STRA8: variants seen among roughly 807,000 people sequenced by gnomAD.
STRA8 encodes the protein stimulated by retinoic acid gene 8 protein homolog.
STRA8 carries 18 observed loss-of-function variants against 37.1 expected under a neutral mutation model. The ratio of observed to expected loss-of-function variants is 0.48; its 90% CI spans 0.34 to 0.72. STRA8 has a LOEUF of 0.72. Ranked by LOEUF, STRA8 falls within the 30% of genes least tolerant of loss-of-function variation. The pLI, the probability that STRA8 is intolerant of heterozygous loss-of-function variation, is 0.01. For synonymous variants in STRA8, 168 were observed against 162.9 expected, an observed-to-expected ratio of 1.03 and a Z score of -0.24; for missense variants, 357 against 410.4, an observed-to-expected ratio of 0.87 and a Z score of 1.13.
At chr7:135,248,172 G>T (rs1832592104) in intron 6 of STRA8, among the ~76,000 whole-genome samples, 2 of 152,214 alleles carry the variant, frequency 1.3e-5, no homozygotes, top group Non-Finnish European at 2.9e-5. Flanking sequence ...AGGTTCCTCA[G>T]CTATCAGGCC....
upstream of STRA8, among the ~76,000 whole-genome samples, chr7:135,232,617 C>A (rs1160316315): frequency 6.6e-6 from 1 of 151,794 alleles, no homozygotes; most frequent in East Asian, 1.9e-4. Context: ...GAACGAGAAC[C>A]TGTCTCAGGA....
Position 135,246,648 on chromosome 7 carries a change from C to T in STRA8, c.825C>T (p.Asp275=). The T allele has an allele frequency of 6.5e-7, 1 of 1,536,524 alleles. No homozygotes were observed. Among genetic ancestry groups the T allele is most frequent in the South Asian group, 1.2e-5 (1 of 83,904 alleles). ...EPACAEGSVK[D]SGVDSQGASC... The stretch of plus-strand genomic sequence containing the variant: ...CCTGTGCCGAGGGCAGCGTGAAGGA[C>T]AGCGGCGTGGACAGCCAGGGGGCCA... Residue 275 remains aspartate, a synonymous_variant, in exon 6 of 9, where the codon GAC becomes GAT. Transcript: ENST00000662584. This position sits in a 1 kb window ranked among gnomAD's most constrained non-coding sequence, Gnocchi z 5.4.
chr7:135,246,560 G>T lies in STRA8; in HGVS notation c.737G>T (p.Arg246Leu). The change falls in exon 6 of 9, where the codon CGG (arginine) becomes CTG (leucine). Residue 246 changes from arginine to leucine, a missense_variant. Transcript: ENST00000662584. This position sits in a 1 kb window ranked among gnomAD's most constrained non-coding sequence, Gnocchi z 5.4. Reference sequence around the variant, plus strand: ...TCGGAGGAGAGGAAGGCCAGCCTCCGGCAGGCCTGGGCGCAGAAGCACCGC... The same window carrying T: ...TCGGAGGAGAGGAAGGCCAGCCTCCTGCAGGCCTGGGCGCAGAAGCACCGC... ...NLSEERKASL[R>L]QAWAQKHRGP... 1 of 1,560,858 alleles carries T rather than the reference G, an allele frequency of 6.4e-7. No homozygotes were observed. The highest frequency in any genetic ancestry group is 8.7e-7 in the Non-Finnish European group (1 of 1,153,438).
chr7:135,243,286 A>T (rs746202956), intron 3 of STRA8, 40 bp from the exon 4 acceptor site: 3 of 1,609,476 alleles, frequency 1.9e-6, no homozygotes, highest in Non-Finnish European at 2.6e-6. Context: ...CAGAGGCCTG[A>T]CTTTTCTCTT....
intron 7 of STRA8, among the ~76,000 whole-genome samples, chr7:135,252,831 G>T (rs943571617): frequency 7.9e-5 from 12 of 152,280 alleles, no homozygotes; most frequent in South Asian, 2.1e-4. Context: ...CTACGACCAA[G>T]GTGCCAGCAG....
chr7:135,241,177 C>T (rs1222597405), intron 2 of STRA8, among the ~76,000 whole-genome samples: 1 of 152,188 alleles, frequency 6.6e-6, no homozygotes, highest in Non-Finnish European at 1.5e-5. Flanking sequence ...TTCCACCCTA[C>T]GAACAAGCCC....
chr7:135,253,609 G>C (rs1271506697), intron 7 of STRA8, among the ~76,000 whole-genome samples: 3 of 152,346 alleles, frequency 2.0e-5, no homozygotes, highest in Admixed American at 2.0e-4. Context: ...CTGACCCCAT[G>C]AAGTGGGAAG....
intron 8 of STRA8, among the ~76,000 whole-genome samples, chr7:135,255,767 G>A (rs1440469996): frequency 6.6e-6 from 1 of 152,178 alleles, no homozygotes; most frequent in African/African-American, 2.4e-5. Context: ...CTGGTCCCTG[G>A]TGCCATAAAG....
At chr7:135,232,028 G>T (rs1832300535), upstream of STRA8, 1 of 1,613,984 alleles carries the variant, frequency 6.2e-7, no homozygotes, top group Non-Finnish European at 8.5e-7. Flanking sequence ...CAAGAAATCA[G>T]GCTGTGGCAG....
intron 3 of STRA8, among the ~76,000 whole-genome samples, chr7:135,243,124 G>C (rs1350685866): frequency 1.3e-5 from 2 of 152,168 alleles, no homozygotes; most frequent in Admixed American, 6.5e-5. Flanking sequence ...CTCATCTTCA[G>C]AGGCCAGAGG....
chr7:135,240,529 C>T lies in STRA8; in HGVS notation c.5C>T (p.Ala2Val). Residue 2 changes from alanine (A) to valine (V), a missense_variant, in exon 2 of 9, where the codon GCA becomes GTA. Coordinates refer to ENST00000662584, the MANE Select transcript of STRA8 (RefSeq NM_001394401.1). The part of the protein sequence containing the change: M[A>V]TPEENSNPHD... ...ACTATTACATTACAGCTTATAATGGCAACCCCTGAAGAAAACAGCAATCCC... is the reference window on the plus strand; with the variant it reads ...ACTATTACATTACAGCTTATAATGGTAACCCCTGAAGAAAACAGCAATCCC... The T allele has an allele frequency of 6.2e-7, 1 of 1,613,612 alleles. No homozygotes were observed. The highest frequency in any genetic ancestry group is 8.5e-7 in the Non-Finnish European group (1 of 1,179,940).
intron 7 of STRA8, among the ~76,000 whole-genome samples, chr7:135,252,729 C>A (rs1414165037): frequency 6.6e-6 from 1 of 152,184 alleles, no homozygotes; most frequent in Non-Finnish European, 1.5e-5. Context: ...TGCTGTATCC[C>A]TGCCTTAAGT....
Position 135,255,106 on chromosome 7 carries a change from G to A in STRA8, c.954-8G>A, listed in dbSNP as rs368602441. 7.5e-6 allele frequency: 12 copies of A among 1,610,442 alleles called. No individual in the cohort carries two copies. Among genetic ancestry groups the A allele is most frequent in the Admixed American group, 1.7e-5 (1 of 59,996 alleles). ...TATTTGTTGCCTTTTCTTCCTTTCTGTTGTCAGTTCAGTGCTTGCCAGCTG... is the reference window on the plus strand; with the variant it reads ...TATTTGTTGCCTTTTCTTCCTTTCTATTGTCAGTTCAGTGCTTGCCAGCTG... On this transcript the variant is annotated splice_polypyrimidine_tract_variant and splice_region_variant and intron_variant, in intron 7 of 8. Transcript: ENST00000662584.
intron 1 of STRA8, among the ~76,000 whole-genome samples, chr7:135,235,436 A>C (rs1196982163): frequency 1.4e-5 from 2 of 141,986 alleles, no homozygotes; most frequent in Non-Finnish European, 3.0e-5. Context: ...TAGAATCATG[A>C]GCATGACTTT....
At chr7:135,236,782 A>G (rs1396163164) in intron 1 of STRA8, among the ~76,000 whole-genome samples, 1 of 152,064 alleles carries the variant, frequency 6.6e-6, no homozygotes. Context: ...AGCTCATTCA[A>G]CCCAGTGTCT....
Position 135,237,752 on chromosome 7 carries a change from C to T in STRA8, c.-6-2767C>T, listed in dbSNP as rs530601602. Among the ~76,000 whole-genome samples, 74 of 152,100 alleles carry T rather than the reference C, an allele frequency of 4.9e-4. No homozygotes were observed. In the East Asian group the frequency reaches 0.013, roughly 26 times the overall value. ...ACTAAAAATACAAAAATTAGCCAGTCGTGGTGGTGGGCGCCTGTAATCCCA... is the reference window on the plus strand; with the variant it reads ...ACTAAAAATACAAAAATTAGCCAGTTGTGGTGGTGGGCGCCTGTAATCCCA... On this transcript the variant is annotated intron_variant, in intron 1 of 8. Transcript: ENST00000662584.
chr7:135,253,031 T>C (rs1435392052), intron 7 of STRA8, among the ~76,000 whole-genome samples: 4 of 151,934 alleles, frequency 2.6e-5, no homozygotes, highest in African/African-American at 9.7e-5. Flanking sequence ...GCCTCCTGGG[T>C]TCAAGTGATT....
chr7:135,255,294 G>A, intron 8 of STRA8, 69 bp downstream of exon 8: 1 of 1,240,210 alleles, frequency 8.1e-7, no homozygotes, highest in Non-Finnish European at 1.2e-6. Flanking sequence ...GCTCTTAAGG[G>A]CAGCCCTAAC....
At chr7:135,240,876 G>A (rs1038902323) in intron 2 of STRA8, among the ~76,000 whole-genome samples, 160 bp downstream of exon 2, 3 of 152,192 alleles carry the variant, frequency 2.0e-5, no homozygotes, top group African/African-American at 7.2e-5. Context: ...AACAACAGAA[G>A]TTTATTGCTC....
Sources: allele counts gnomAD v4.1 joint callset (sites outside exome capture counted in the v4.1 genomes callset), GRCh38; gene constraint gnomAD v4.1.1; non-coding constraint Gnocchi (gnomAD v3.1); transcripts MANE v1.5; gene names NCBI Gene and HGNC (gene_info 2026-07-23, HGNC 2026-07-21).